PCDHAC2: variants seen among roughly 807,000 people sequenced by gnomAD.
PCDHAC2 encodes the protein protocadherin alpha subfamily C, 2.
A neutral mutation model predicts 63.3 loss-of-function variants in PCDHAC2; 24 were observed. The ratio of observed to expected loss-of-function variants is 0.38; its 90% CI spans 0.27 to 0.53. The LOEUF is 0.53. Among genes scored for constraint, PCDHAC2 ranks in the 20% least tolerant of loss-of-function variants. The probability of loss-of-function intolerance (pLI) is 0.81; values close to 1 mark genes in which losing one functional copy is unlikely to be tolerated. For synonymous variants in PCDHAC2, 569 were observed against 529.4 expected (o/e 1.07, Z -1.03); for missense variants, 1,181 against 1,275.2 (o/e 0.93, Z 1.12).
chr5:140,974,832 T>C (rs114216401), intron 1 of PCDHAC2, among the ~76,000 whole-genome samples: 60 of 152,346 alleles, frequency 3.9e-4, no homozygotes, highest in African/African-American at 1.4e-3. Context: ...ATAATGATTA[T>C]TTTAAATGTT....
At chr5:140,987,268 C>T (rs190952772) in intron 3 of PCDHAC2, among the ~76,000 whole-genome samples, 177 of 151,894 alleles carry the variant, frequency 1.2e-3, no homozygotes, top group African/African-American at 4.1e-3. Flanking sequence ...GAATGGGACC[C>T]GGCAGTCTAT....
Position 140,979,718 on chromosome 5 carries a change from T to C in PCDHAC2, c.2624+711T>C, listed in dbSNP as rs372148471. Among the ~76,000 whole-genome samples, 17 of 152,388 alleles carry C rather than the reference T, an allele frequency of 1.1e-4. No homozygotes were observed. The East Asian group carries it at 2.7e-3, about 24-fold the overall frequency. On this transcript the variant is annotated intron_variant, in intron 2 of 3. Transcript: ENST00000289269. ...ATTTCTGGAGGTGATCCAGTATCCA[T>C]GCCATGGGGCCAAATAAAAGATTCA...
At position 140,968,109 on chromosome 5, in the gene PCDHAC2, A is replaced by G. The variant is rs2096220086; in HGVS notation, c.1343A>G (p.Gln448Arg). ...ACAGCCACAGATGGGGGAATACCGC[A>G]GCTCACATCCCTGCGTACACTGAAG... Reference protein sequence around the residue: ...TVTATDGGIPQLTSLRTLKVE... With the variant: ...TVTATDGGIPRLTSLRTLKVE... The change falls in exon 1 of 4, where the codon CAG (glutamine) becomes CGG (arginine). Residue 448 changes from glutamine to arginine, a missense_variant. Around this residue, in one of 3 missense-constraint regions of PCDHAC2, gnomAD observed 968 missense variants for 1,073.5 expected, o/e 0.90. Transcript: ENST00000289269. 6.2e-7 allele frequency: 1 copy of G among 1,614,046 alleles called. No individual in the cohort carries two copies. Among genetic ancestry groups the G allele is most frequent in the African/African-American group, 1.3e-5 (1 of 74,920 alleles).
Position 140,967,240 on chromosome 5 carries a change from C to T in PCDHAC2, c.474C>T (p.Ser158=). The T allele has an allele frequency of 6.2e-7, 1 of 1,613,644 alleles. No individual in the cohort carries two copies. Among genetic ancestry groups the T allele is most frequent in the African/African-American group, 1.3e-5 (1 of 75,068 alleles). The change falls in exon 1 of 4, where the codon AGC becomes AGT. Residue 158 remains serine (S), a synonymous_variant. Transcript: ENST00000289269. The part of the protein sequence containing the change: ...FPRPNYQLQV[S]ESVAPGARFH... ...GGCCCAACTACCAGCTTCAGGTAAG[C>T]GAATCGGTGGCGCCTGGAGCGCGCT...
intron 2 of PCDHAC2, 93 bp downstream of exon 2, chr5:140,979,100 A>C (rs1325676942): frequency 6.5e-7 from 1 of 1,545,710 alleles, no homozygotes; most frequent in African/African-American, 1.4e-5. Context: ...CAGCTGTCAA[A>C]ACTAAAAAGC....
chr5:140,996,630 A>G (rs765477034), intron 3 of PCDHAC2, among the ~76,000 whole-genome samples: 10 of 152,210 alleles, frequency 6.6e-5, no homozygotes, highest in Non-Finnish European at 1.5e-4. Flanking sequence ...TGGTTCCTGC[A>G]AATTATGTAG....
Position 140,968,176 on chromosome 5 carries a change from G to A in PCDHAC2, c.1410G>A (p.Leu470=). 6.2e-7 allele frequency: 1 copy of A among 1,614,062 alleles called. No individual in the cohort carries two copies. The highest frequency in any genetic ancestry group is 8.5e-7 in the Non-Finnish European group (1 of 1,180,026). ...TCAATGACAATCCACCAAGCTTCCT[G>A]GAGGACTCCTATTCCATCTACATAC... ...SDINDNPPSF[L]EDSYSIYIQE... is the part of the protein sequence containing the mutation. The change falls in exon 1 of 4, where the codon CTG becomes CTA. Residue 470 remains leucine (L), a synonymous_variant. Coordinates refer to ENST00000289269, the MANE Select transcript of PCDHAC2 (RefSeq NM_018899.6).
At chr5:141,001,985 GAAGTTC>G in intron 3 of PCDHAC2, among the ~76,000 whole-genome samples, 1 of 152,312 alleles carries the variant, frequency 6.6e-6, no homozygotes, top group Admixed American at 6.5e-5. Context: ...GGAAAGCCTG[GAAGTTC>G]ACTTGCAAAC....
At position 140,968,405 on chromosome 5, in the gene PCDHAC2, G is replaced by C. The variant is rs2096244938; in HGVS notation, c.1639G>C (p.Val547Leu). 7 of 1,614,002 alleles carry C rather than the reference G, an allele frequency of 4.3e-6. No homozygotes were observed. Among genetic ancestry groups the C allele is most frequent in the Non-Finnish European group, 5.9e-6 (7 of 1,180,014 alleles). Residue 547 changes from valine to leucine, a missense_variant, in exon 1 of 4, where the codon GTG (valine) becomes CTG (leucine). Transcript: ENST00000289269. ...CTATGAGAAGTTTCGGGAGTTCTTT[G>C]TGACTGTGGAGGCTCAGGACAAGGG... is the stretch of plus-strand genomic sequence containing the variant. ...FDYEKFREFF[V>L]TVEAQDKGSP...
rs1261636098 is a variant in PCDHAC2, at chr5:140,968,913, C to G, written c.2147C>G (p.Ser716Cys). 6.8e-6 allele frequency: 11 copies of G among 1,614,036 alleles called. No homozygotes were observed. Among genetic ancestry groups the G allele is most frequent in the Non-Finnish European group, 8.5e-6 (10 of 1,180,044 alleles). The change falls in exon 1 of 4, where the codon TCT (serine) becomes TGT (cysteine). Residue 716 changes from serine (S) to cysteine (C), a missense_variant. By Grantham distance (112) the Ser-to-Cys change is moderately radical. Transcript: ENST00000289269. ...CTAATAATAGCATTAAGCACAGTGT[C>G]TTTTATATTTCTTTTGACAATCATC... ...LYLIIALSTV[S>C]FIFLLTIIIL...
chr5:141,010,205 G>A lies in PCDHAC2; in HGVS notation c.*268G>A, dbSNP rs1554262753. On this transcript the variant is annotated 3_prime_UTR_variant, in exon 4 of 4. Transcript: ENST00000289269. ...ACCCAAGTTTCCTTTCTCCTCCGCC[G>A]CAAAGGAGAGGCTTCCCAGCCCCGC... 4 of 1,551,732 alleles carry A rather than the reference G, an allele frequency of 2.6e-6. No homozygotes were observed. Among genetic ancestry groups the A allele is most frequent in the African/African-American group, 1.4e-5 (1 of 73,014 alleles).
intron 3 of PCDHAC2, among the ~76,000 whole-genome samples, chr5:140,996,006 C>G (rs962825775): frequency 6.6e-6 from 1 of 152,204 alleles, no homozygotes; most frequent in Non-Finnish European, 1.5e-5. Context: ...GTCGTCAGAA[C>G]TATTACTACT....
chr5:141,005,701 C>CAAAAAAA (rs59860837), intron 3 of PCDHAC2, among the ~76,000 whole-genome samples: 5 of 7,784 alleles, frequency 6.4e-4, no homozygotes, highest in African/African-American at 9.3e-4. Context: ...AACTCCGTCT[C>CAAAAAAA]AAAAAAAAAA....
At position 140,967,828 on chromosome 5, in the gene PCDHAC2, C is replaced by T. The variant is rs2096188201; in HGVS notation, c.1062C>T (p.Asp354=). 2 of 1,614,028 alleles carry T rather than the reference C, an allele frequency of 1.2e-6. No homozygotes were observed. Among genetic ancestry groups the T allele is most frequent in the Non-Finnish European group, 1.7e-6 (2 of 1,180,048 alleles). The change falls in exon 1 of 4, where the codon GAC becomes GAT. Residue 354 remains aspartate, a synonymous_variant. Coordinates refer to ENST00000289269, the MANE Select transcript of PCDHAC2 (RefSeq NM_018899.6). The part of the protein sequence containing the change: ...PMAGHCKVLV[D]IVDVNDNAPE... ...CAGGTCACTGCAAGGTGCTGGTGGA[C>T]ATCGTGGACGTGAATGACAATGCCC...
At chr5:140,980,358 G>A (rs143597147) in intron 2 of PCDHAC2, among the ~76,000 whole-genome samples, 260 of 152,274 alleles carry the variant, frequency 1.7e-3, no homozygotes, top group South Asian at 0.014. Context: ...TGGACTGGGC[G>A]CGGTGGCTCA....
rs982709387 is a variant in PCDHAC2, at chr5:141,003,306, C to T, written c.2714-6321C>T. ...TGGATTATAGGATTACATGAAGTGG[C>T]CAGCTACTTCCAGAGGGCAGGGTTT... On this transcript the variant is annotated intron_variant, in intron 3 of 3. Coordinates refer to ENST00000289269, the MANE Select transcript of PCDHAC2 (RefSeq NM_018899.6). 1.7e-4 allele frequency among the ~76,000 whole-genome samples: 26 copies of T among 152,276 alleles called. No homozygotes were observed. In the East Asian group the frequency reaches 4.1e-3, roughly 24 times the overall value.
In PCDHAC2 at chr5:140,982,530, C is replaced by G; in HGVS notation, c.2680C>G (p.Gln894Glu). The G allele has an allele frequency of 1.2e-6, 2 of 1,614,200 alleles. No homozygotes were observed. The highest frequency in any genetic ancestry group is 3.3e-5 in the Admixed American group (2 of 60,020). ...ILRAGPGGPDQQWPTVSSATP... is the reference protein window; with the variant it reads ...ILRAGPGGPDEQWPTVSSATP... ...ACGGGCTGGTCCAGGAGGGCCTGATCAGCAGTGGCCAACAGTATCCAGTGC... is the reference window on the plus strand; with the variant it reads ...ACGGGCTGGTCCAGGAGGGCCTGATGAGCAGTGGCCAACAGTATCCAGTGC... The change falls in exon 3 of 4, where the codon CAG (glutamine) becomes GAG (glutamate). Residue 894 changes from glutamine to glutamate, a missense_variant. By Grantham distance (29) the Gln-to-Glu change is conservative. Transcript: ENST00000289269.
rs879989091 is a variant in PCDHAC2, at chr5:140,966,989, G to C, written c.223G>C (p.Gly75Arg). 7 of 1,604,030 alleles carry C rather than the reference G, an allele frequency of 4.4e-6. No individual in the cohort carries two copies. The highest frequency in any genetic ancestry group is 5.1e-6 in the Non-Finnish European group (6 of 1,177,702). The change falls in exon 1 of 4, where the codon GGT becomes CGT. Residue 75 changes from glycine to arginine, a missense_variant. Physicochemically the swap from Gly to Arg is moderately radical, Grantham distance 125 (BLOSUM62 -2). Around this residue, in one of 3 missense-constraint regions of PCDHAC2, gnomAD observed 210 missense variants for 184.9 expected, o/e 1.14. Transcript: ENST00000289269. Reference protein sequence around the residue: ...LGLELRRLGPGCLRINHLGAP... With the variant: ...LGLELRRLGPRCLRINHLGAP... ...GCTTGAGCTGCGGCGCTTGGGGCCG[G>C]GTTGCTTGCGCATCAACCATCTGGG...
At position 140,968,158 on chromosome 5, in the gene PCDHAC2, C is replaced by T. The variant is rs191279827; in HGVS notation, c.1392C>T (p.Asp464=). The T allele has an allele frequency of 3.7e-6, 6 of 1,614,124 alleles. No individual in the cohort carries two copies. The African/African-American group carries it at 4.0e-5, about 11-fold the overall frequency. The change falls in exon 1 of 4, where the codon GAC becomes GAT. Residue 464 remains aspartate, a synonymous_variant. Transcript: ENST00000289269. ...AGGTTGAGATCTCTGACATCAATGA[C>T]AATCCACCAAGCTTCCTGGAGGACT... The part of the protein sequence containing the change: ...TLKVEISDIN[D]NPPSFLEDSY...
Sources: gnomAD v4.1 joint callset for allele counts (sites outside exome capture counted in the v4.1 genomes callset) on GRCh38, gnomAD v4.1.1 for gene constraint, gnomAD v4.1.1 regional missense constraint, MANE v1.5 for transcripts, NCBI Gene and HGNC (gene_info 2026-07-23, HGNC 2026-07-21) for gene names.